Variants in ATXN7 observed in about 807,000 individuals in gnomAD.
ATXN7 encodes the protein ataxin-7.
ATXN7 carries 12 observed loss-of-function variants against 70.5 expected under a neutral mutation model. The ratio of observed to expected loss-of-function variants is 0.17; its 90% CI spans 0.11 to 0.28. The LOEUF is 0.28. Among genes scored for constraint, ATXN7 ranks in the 10% least tolerant of loss-of-function variants. The pLI, the probability that ATXN7 is intolerant of heterozygous loss-of-function variation, is 1.00. For missense variants in ATXN7, 1,256 were observed against 1,131.7 expected (o/e 1.11, Z -1.58); for synonymous variants, 498 against 448.7 (o/e 1.11, Z -1.39).
At chr3:63,951,786 C>G (rs1370631798) in intron 4 of ATXN7, among the ~76,000 whole-genome samples, 1 of 152,212 alleles carries the variant, frequency 6.6e-6, no homozygotes, top group Non-Finnish European at 1.5e-5. Context: ...GGTAACCAAA[C>G]TGATTAATAT....
rs746131141 is a variant in ATXN7 at position 63,988,135 on chromosome 3, A to C, written c.1172A>C (p.Asn391Thr). 1.2e-6 allele frequency: 2 copies of C among 1,614,132 alleles called. No homozygotes were observed. The highest frequency in any genetic ancestry group is 1.7e-6 in the Non-Finnish European group (2 of 1,180,028). Reference protein sequence around the residue: ...RFDVLLAEHKNKTREKELIRH... With the variant: ...RFDVLLAEHKTKTREKELIRH... ...GATGTGTTATTAGCCGAGCACAAAA[A>C]CAAAACCAGGGAAAAGGAATTGATT... Residue 391 changes from asparagine to threonine, a missense_variant, in exon 9 of 13, where the codon AAC becomes ACC. Asn to Thr is a moderately conservative substitution (Grantham distance 65). Transcript: ENST00000674280.
Position 63,988,248 on chromosome 3 carries a change from C to T in ATXN7, c.1285C>T (p.Pro429Ser). The T allele has an allele frequency of 1.2e-6, 2 of 1,614,112 alleles. No individual in the cohort carries two copies. Among genetic ancestry groups the T allele is most frequent in the Non-Finnish European group, 1.7e-6 (2 of 1,180,032 alleles). Reference protein sequence around the residue: ...PRTSQEPHQNPHGVIPSESKP... With the variant: ...PRTSQEPHQNSHGVIPSESKP... ...AACGTCACAGGAGCCGCACCAAAAC[C>T]CTCACGGAGTGATTCCTTCCGAATC... The change falls in exon 9 of 13, where the codon CCT (proline) becomes TCT (serine). Residue 429 changes from proline to serine, a missense_variant. By Grantham distance (74) the Pro-to-Ser change is moderately conservative (BLOSUM62 -1). Coordinates refer to ENST00000674280, the MANE Select transcript of ATXN7 (RefSeq NM_001377405.1).
chr3:63,925,192 G>A (rs771652101), intron 4 of ATXN7, among the ~76,000 whole-genome samples: 2 of 152,148 alleles, frequency 1.3e-5, no homozygotes, highest in Non-Finnish European at 1.5e-5. Context: ...GAAGTTGGGA[G>A]ATCATCTGTT....
intron 12 of ATXN7, 116 bp downstream of exon 12, chr3:63,996,599 A>G (rs1053006465): frequency 3.5e-5 from 23 of 665,954 alleles, no homozygotes; most frequent in Non-Finnish European, 2.3e-5. Flanking sequence ...ACAGATATTC[A>G]GCTTCATGGT....
chr3:63,920,237 C>G (rs1704455241), intron 4 of ATXN7, among the ~76,000 whole-genome samples: 1 of 152,118 alleles, frequency 6.6e-6, no homozygotes, highest in African/African-American at 2.4e-5. Flanking sequence ...ATGGGGTTCC[C>G]AAGCTGTGTC....
At chr3:63,990,521 G>T in intron 10 of ATXN7, 147 bp downstream of exon 10, 1 of 1,174,722 alleles carries the variant, frequency 8.5e-7, no homozygotes, top group Admixed American at 2.1e-5. Flanking sequence ...TGCCCCAGAG[G>T]CAGCACACAC....
chr3:63,974,452 G>A (rs575252250), intron 5 of ATXN7, among the ~76,000 whole-genome samples: 3 of 152,296 alleles, frequency 2.0e-5, no homozygotes, highest in African/African-American at 7.2e-5. Context: ...TGCTAATAAT[G>A]CCATTTCAGA....
intron 12 of ATXN7, among the ~76,000 whole-genome samples, chr3:63,997,280 CCT>C (rs1164562785): frequency 6.6e-6 from 1 of 152,096 alleles, no homozygotes; most frequent in Non-Finnish European, 1.5e-5. Context: ...ATTATTTTTC[CCT>C]CTCAAAAGAA....
rs1390110881 is a variant in ATXN7 at position 64,002,912 on chromosome 3, A to C, written c.*3445A>C. On this transcript the variant is annotated 3_prime_UTR_variant, in exon 13 of 13. Coordinates refer to ENST00000674280, the MANE Select transcript of ATXN7 (RefSeq NM_001377405.1). ...ATTTAAAATATTTTGTATTCCAAAA[A>C]TATAATACAAAGAAGTACCTCTGAG... 1 of 152,136 alleles carries C rather than the reference A, an allele frequency of 6.6e-6. No individual in the cohort carries two copies. Among genetic ancestry groups the C allele is most frequent in the East Asian group, 1.9e-4 (1 of 5,186 alleles). The allele number at this position is 152,136 out of a possible 1,614,324, so 9.4% of individuals were successfully genotyped here.
chr3:64,002,550 A>G lies in ATXN7; in HGVS notation c.*3083A>G, dbSNP rs1037646905. 1 of 152,088 alleles carries G rather than the reference A, an allele frequency of 6.6e-6. No individual in the cohort carries two copies. Among genetic ancestry groups the G allele is most frequent in the Non-Finnish European group, 1.5e-5 (1 of 68,014 alleles). 9.4% of individuals were successfully genotyped at this position (152,088 alleles called of 1,614,324 possible). On this transcript the variant is annotated 3_prime_UTR_variant, in exon 13 of 13. Coordinates refer to ENST00000674280, the MANE Select transcript of ATXN7 (RefSeq NM_001377405.1). Reference sequence around the variant, plus strand: ...GTATACTCAGCACATGTATGTTACTATGTGATGTGGTTTAAAACTAATGGA... The same window carrying G: ...GTATACTCAGCACATGTATGTTACTGTGTGATGTGGTTTAAAACTAATGGA...
At chr3:63,867,113 T>C (rs527743470) in intron 1 of ATXN7, 108 of 152,328 alleles carry the variant, frequency 7.1e-4, no homozygotes, top group African/African-American at 2.5e-3. Context: ...TTTTGTACTA[T>C]GCTTTTAGAG....
At chr3:63,903,386 CAAAAAAAAAAAA>C (rs775558434) in intron 2 of ATXN7, among the ~76,000 whole-genome samples, 5 of 49,588 alleles carry the variant, frequency 1.0e-4, no homozygotes, top group African/African-American at 3.9e-4. Flanking sequence ...GACTCCGTCT[CAAAAAAAAAAAA>C]AAAAAAAAAA....
chr3:63,959,557 G>A (rs72885710), intron 5 of ATXN7, among the ~76,000 whole-genome samples: 118 of 152,232 alleles, frequency 7.8e-4, no homozygotes, highest in African/African-American at 2.6e-3. Context: ...GAGTGATAGC[G>A]TGACATACAG....
At chr3:63,960,440 A>C (rs548113256) in intron 5 of ATXN7, among the ~76,000 whole-genome samples, 4 of 152,300 alleles carry the variant, frequency 2.6e-5, no homozygotes, top group African/African-American at 9.6e-5. Context: ...TGCTGTATGG[A>C]ACACGGGGCA....
intron 4 of ATXN7, among the ~76,000 whole-genome samples, chr3:63,946,613 A>G (rs1224428543): frequency 6.6e-6 from 1 of 151,002 alleles, no homozygotes; most frequent in Non-Finnish European, 1.5e-5. Flanking sequence ...ACTGCACTCC[A>G]GCCTGGGCGA....
chr3:63,893,815 G>A (rs1161796234), intron 1 of ATXN7, among the ~76,000 whole-genome samples: 1 of 91,436 alleles, frequency 1.1e-5, no homozygotes, highest in African/African-American at 2.9e-5. Flanking sequence ...TTGAAGAGGG[G>A]AATACAGTAG....
chr3:63,898,853 T>A (rs1194180952), intron 2 of ATXN7, among the ~76,000 whole-genome samples: 3 of 152,104 alleles, frequency 2.0e-5, no homozygotes, highest in Admixed American at 2.0e-4. Flanking sequence ...CCAGCACCAT[T>A]CCCCCAGCTC....
intron 2 of ATXN7, chr3:63,904,285 ATTT>A (rs1203835216): frequency 1.4e-5 from 2 of 142,334 alleles, no homozygotes; most frequent in Non-Finnish European, 3.1e-5. Flanking sequence ...TGGCTGAATA[ATTT>A]TTTTTTTTTT....
intron 1 of ATXN7, among the ~76,000 whole-genome samples, chr3:63,884,230 C>G (rs943157906): frequency 6.7e-6 from 1 of 148,376 alleles, no homozygotes; most frequent in African/African-American, 2.5e-5. Context: ...CACACACACA[C>G]ACACACACAC....
Sources: gnomAD v4.1 joint callset for allele counts (sites outside exome capture counted in the v4.1 genomes callset) on GRCh38, gnomAD v4.1.1 for gene constraint, MANE v1.5 for transcripts, NCBI Gene and HGNC (gene_info 2026-07-23, HGNC 2026-07-21) for gene names.